The following HELZ variants were observed in gnomAD, a reference collection of about 807,000 sequenced individuals.
The protein encoded by HELZ is ATP-dependent RNA helicase with zinc finger domain.
In HELZ, 23 loss-of-function variants were observed where a neutral mutation model predicts 218.2. That is an observed-to-expected ratio of 0.11 (90% CI 0.08 to 0.15). HELZ has a LOEUF of 0.15. Among genes scored for constraint, HELZ ranks in the 10% least tolerant of loss-of-function variants. HELZ has a pLI of 1.00. For missense variants in HELZ, 1,813 were observed against 2,353.7 expected, an observed-to-expected ratio of 0.77 and a Z score of 4.75; for synonymous variants, 814 against 829.4, an observed-to-expected ratio of 0.98 and a Z score of 0.32.
intron 31 of HELZ, among the ~76,000 whole-genome samples, chr17:67,106,852 G>A (rs560598855): frequency 1.2e-3 from 179 of 152,130 alleles, no homozygotes; most frequent in African/African-American, 6.7e-4. Context: ...AACTTAAAGC[G>A]AAAAGAAGAA....
At chr17:67,186,849 G>C (rs1267474716) in intron 12 of HELZ, among the ~76,000 whole-genome samples, 1 of 152,160 alleles carries the variant, frequency 6.6e-6, no homozygotes, top group East Asian at 1.9e-4. Context: ...ATCTCTTTAT[G>C]ATTTAAAAAG....
intron 5 of HELZ, among the ~76,000 whole-genome samples, chr17:67,210,586 T>G (rs1332242768): frequency 6.6e-6 from 1 of 152,210 alleles, no homozygotes; most frequent in Admixed American, 6.5e-5. Flanking sequence ...TAAGATTACG[T>G]TCTTTTGATT....
intron 23 of HELZ, among the ~76,000 whole-genome samples, chr17:67,133,329 T>C (rs1239939714): frequency 1.3e-5 from 2 of 152,208 alleles, no homozygotes; most frequent in African/African-American, 4.8e-5. Context: ...GGAAGAATTA[T>C]TCACCCATTT....
chr17:67,231,512 G>A (rs2041035087), intron 3 of HELZ, among the ~76,000 whole-genome samples: 1 of 150,370 alleles, frequency 6.7e-6, no homozygotes, highest in South Asian at 2.1e-4. Context: ...AGAATGGCGT[G>A]AACCCGGGAG....
At chr17:67,232,709 A>AG (rs1380609038) in intron 3 of HELZ, among the ~76,000 whole-genome samples, 1 of 152,218 alleles carries the variant, frequency 6.6e-6, no homozygotes, top group Non-Finnish European at 1.5e-5. Context: ...ATTGATGCAG[A>AG]GGGAGGAAAC....
chr17:67,242,233 T>C (rs1038137531), intron 2 of HELZ, among the ~76,000 whole-genome samples: 1 of 152,132 alleles, frequency 6.6e-6, no homozygotes. Context: ...CTGACCAACA[T>C]GGTGAAACCC....
At chr17:67,206,334 T>A (rs936166966) in intron 5 of HELZ, among the ~76,000 whole-genome samples, 1 of 152,226 alleles carries the variant, frequency 6.6e-6, no homozygotes, top group Non-Finnish European at 1.5e-5. Flanking sequence ...TTCTAACACT[T>A]GAAATATGTC....
chr17:67,212,333 A>AAAAAAAAAAAAAAAAAAAAAAAT (rs2040478339), intron 5 of HELZ, among the ~76,000 whole-genome samples: 1 of 148,508 alleles, frequency 6.7e-6, no homozygotes, highest in Non-Finnish European at 1.5e-5. Context: ...AAAAAAAAAA[A>AAAAAAAAAAAAAAAAAAAAAAAT]AAGGCTACAC....
intron 26 of HELZ, among the ~76,000 whole-genome samples, chr17:67,122,410 G>T (rs1444172271): frequency 6.6e-6 from 1 of 152,192 alleles, no homozygotes; most frequent in Non-Finnish European, 1.5e-5. Flanking sequence ...GCCAGGCGTG[G>T]TGGCAGGCAC....
chr17:67,233,612 G>A lies in HELZ; in HGVS notation c.-19+5821C>T, dbSNP rs139194285. On this transcript the variant is annotated intron_variant, in intron 3 of 32. Coordinates refer to ENST00000358691, the MANE Select transcript of HELZ (RefSeq NM_014877.4). The stretch of plus-strand genomic sequence containing the variant: ...CTTTTCAGGGCCCTAAACTTCCTTA[G>A]CTGTTGCCCCAATAATCTCTGAAGT... Among the ~76,000 whole-genome samples, 876 of 152,142 alleles carry A rather than the reference G, an allele frequency of 5.8e-3. 5 individuals carry two copies. The highest frequency in any genetic ancestry group is 0.01 in the Middle Eastern group (3 of 294).
chr17:67,150,074 A>G, intron 18 of HELZ, 89 bp from the exon 19 acceptor site: 2 of 718,518 alleles, frequency 2.8e-6, no homozygotes, highest in Non-Finnish European at 4.8e-6. Flanking sequence ...TGCTAAGTAA[A>G]GAGTTTAGTT....
intron 5 of HELZ, among the ~76,000 whole-genome samples, chr17:67,209,203 G>A (rs2040390407): frequency 6.6e-6 from 1 of 150,858 alleles, no homozygotes; most frequent in South Asian, 2.1e-4. Flanking sequence ...AATTATTTTA[G>A]TGATCCTGAG....
At chr17:67,194,106 G>A (rs775537866) in intron 8 of HELZ, 64 bp from the exon 9 acceptor site, 2 of 1,123,388 alleles carry the variant, frequency 1.8e-6, no homozygotes, top group Non-Finnish European at 2.7e-6. Flanking sequence ...ATATTTTAAT[G>A]TGTAAGAGAT....
At chr17:67,133,901 T>C (rs1197577234) in intron 23 of HELZ, among the ~76,000 whole-genome samples, 2 of 152,202 alleles carry the variant, frequency 1.3e-5, no homozygotes, top group African/African-American at 4.8e-5. Context: ...TCTAATCAAA[T>C]TGTATGTGCT....
intron 31 of HELZ, among the ~76,000 whole-genome samples, chr17:67,100,485 G>A (rs1185786293): frequency 1.3e-5 from 2 of 152,050 alleles, no homozygotes; most frequent in African/African-American, 4.8e-5. Context: ...CCAACTCCGA[G>A]ACTTTTACAA....
At position 67,143,054 on chromosome 17, in the gene HELZ, C is replaced by T. The variant is rs551921344; in HGVS notation, c.2769+2689G>A. ...GGGATTACAGGCATGAGTCACCGCA[C>T]CCGGCCAAGGAGGGACATTTAAAAA... On this transcript the variant is annotated intron_variant, in intron 21 of 32. Coordinates refer to ENST00000358691, the MANE Select transcript of HELZ (RefSeq NM_014877.4). Among the ~76,000 whole-genome samples, 11 of 152,164 alleles carry T rather than the reference C, an allele frequency of 7.2e-5. No individual in the cohort carries two copies. The South Asian group carries it at 2.1e-3, about 29-fold the overall frequency.
chr17:67,227,793 C>T (rs1055235464), intron 3 of HELZ, among the ~76,000 whole-genome samples: 2 of 152,212 alleles, frequency 1.3e-5, no homozygotes, highest in Admixed American at 6.5e-5. Flanking sequence ...AACCACCAGA[C>T]CACCTTGAAA....
chr17:67,098,970 G>T (rs111615669), intron 31 of HELZ, among the ~76,000 whole-genome samples: 1 of 152,070 alleles, frequency 6.6e-6, no homozygotes, highest in Admixed American at 6.5e-5. Flanking sequence ...TTCCTATACA[G>T]TAAAGGCCCC....
intron 18 of HELZ, among the ~76,000 whole-genome samples, chr17:67,150,589 T>C (rs879389903): frequency 2.0e-5 from 3 of 152,188 alleles, no homozygotes; most frequent in Admixed American, 1.3e-4. Context: ...AAACCTATCA[T>C]AATTATCATC....
Sources: allele counts gnomAD v4.1 joint callset (sites outside exome capture counted in the v4.1 genomes callset), GRCh38; gene constraint gnomAD v4.1.1; transcripts MANE v1.5; gene names NCBI Gene and HGNC (gene_info 2026-07-23, HGNC 2026-07-21).